DTNB: variants seen among roughly 807,000 people sequenced by gnomAD.
DTNB encodes the protein DTN-B.
In DTNB, 63 loss-of-function variants were observed where a neutral mutation model predicts 90.7. The ratio of observed to expected loss-of-function variants is 0.69; its 90% confidence interval spans 0.57 to 0.86. The LOEUF (loss-of-function observed/expected upper bound fraction) is 0.86. DTNB is among the 40% of genes least tolerant of loss of function. The pLI, the probability that DTNB is intolerant of heterozygous loss-of-function variation, is 0.00. For missense variants in DTNB, 744 were observed against 807.1 expected, an observed-to-expected ratio of 0.92 and a Z score of 0.95; for synonymous variants, 277 against 286.7, an observed-to-expected ratio of 0.97 and a Z score of 0.34.
chr2:25,609,894 A>C (rs1428257465), intron 4 of DTNB, among the ~76,000 whole-genome samples: 1 of 152,190 alleles, frequency 6.6e-6, no homozygotes, highest in African/African-American at 2.4e-5. Flanking sequence ...CAAGAGAAAA[A>C]GGGAAGCTGC....
intron 6 of DTNB, among the ~76,000 whole-genome samples, chr2:25,584,462 T>C (rs911002023): frequency 6.6e-6 from 1 of 152,234 alleles, no homozygotes; most frequent in East Asian, 1.9e-4. Context: ...AATTTTTGTT[T>C]TGAAATAGTT....
intron 2 of DTNB, among the ~76,000 whole-genome samples, chr2:25,650,729 G>C (rs1031832992): frequency 6.6e-6 from 1 of 152,206 alleles, no homozygotes; most frequent in Non-Finnish European, 1.5e-5. Flanking sequence ...GGGAGGCCAA[G>C]ACAGGCGGAT....
At chr2:25,595,540 G>A (rs1460055564) in intron 6 of DTNB, among the ~76,000 whole-genome samples, 1 of 152,198 alleles carries the variant, frequency 6.6e-6, no homozygotes, top group African/African-American at 2.4e-5. Flanking sequence ...TTTGTTAGGT[G>A]TAGACGGTTC....
intron 12 of DTNB, 129 bp from the exon 13 acceptor site, chr2:25,434,124 G>T: frequency 1.3e-6 from 1 of 788,520 alleles, no homozygotes; most frequent in Non-Finnish European, 2.0e-6. Flanking sequence ...CCCGTTTTAA[G>T]TATACAATTC....
chr2:25,455,563 T>A, intron 10 of DTNB, 69 bp from the exon 11 acceptor site: 2 of 1,341,938 alleles, frequency 1.5e-6, no homozygotes, highest in Middle Eastern at 3.6e-4. Flanking sequence ...TGAACATGGA[T>A]TAAAATGAGC....
chr2:25,627,507 AAAAG>A (rs2074485363), intron 4 of DTNB, among the ~76,000 whole-genome samples: 1 of 152,198 alleles, frequency 6.6e-6, no homozygotes, highest in Non-Finnish European at 1.5e-5. Context: ...CATAGAAGAA[AAAAG>A]AAAGAGGAGA....
chr2:25,430,634 G>T (rs1318565982), intron 14 of DTNB, among the ~76,000 whole-genome samples: 1 of 152,138 alleles, frequency 6.6e-6, no homozygotes, highest in Non-Finnish European at 1.5e-5. Context: ...TATTACATAG[G>T]ATAGTGATAA....
chr2:25,589,162 T>C (rs915954484), intron 6 of DTNB, among the ~76,000 whole-genome samples: 2 of 152,146 alleles, frequency 1.3e-5, no homozygotes, highest in Admixed American at 1.3e-4. Context: ...GTTGTTATTC[T>C]TAAAATTAAC....
Position 25,387,409 on chromosome 2 carries a change from AG to A in DTNB, c.1736-32del. ...GAGAGGCAGAGCAGATGGGGATGCC[AG>A]GGTGGGTGAGCGTGGAGAAGAGACG... On this transcript the variant is annotated intron_variant, in intron 17 of 20. Coordinates refer to ENST00000406818, the MANE Select transcript of DTNB (RefSeq NM_021907.5). The surrounding 1 kb of genome is among the most constrained non-coding windows in gnomAD (Gnocchi z 4.5). 1 of 1,599,912 alleles carries A rather than the reference AG, an allele frequency of 6.3e-7. No individual in the cohort carries two copies. The highest frequency in any genetic ancestry group is 1.1e-5 in the South Asian group (1 of 90,492).
intron 8 of DTNB, among the ~76,000 whole-genome samples, chr2:25,563,638 G>A (rs2058573792): frequency 6.6e-6 from 1 of 151,762 alleles, no homozygotes; most frequent in Admixed American, 6.6e-5. Context: ...ATGGTATAAG[G>A]CAGGGATCCA....
intron 15 of DTNB, among the ~76,000 whole-genome samples, chr2:25,423,116 G>A (rs955709156): frequency 4.6e-5 from 7 of 152,182 alleles, no homozygotes; most frequent in African/African-American, 1.7e-4. Context: ...AGACTCACTT[G>A]AATCCGGGAG....
In DTNB at chr2:25,440,529, T is replaced by C. The variant is rs1274423789; in HGVS notation, c.1258-6534A>G. Among the ~76,000 whole-genome samples the C allele has an allele frequency of 2.6e-5, 4 of 152,328 alleles. No individual in the cohort carries two copies. In the East Asian group the frequency reaches 7.7e-4, roughly 29 times the overall value. ...ACTTGCAACATGTGAGAACATTTTG[T>C]GCAAAGGAGACAACCTGGAGCTCCA... On this transcript the variant is annotated intron_variant, in intron 12 of 20. Coordinates refer to ENST00000406818, the MANE Select transcript of DTNB (RefSeq NM_021907.5).
chr2:25,633,239 A>G (rs1283221861), intron 3 of DTNB, among the ~76,000 whole-genome samples: 1 of 150,418 alleles, frequency 6.6e-6, no homozygotes, highest in Non-Finnish European at 1.5e-5. Flanking sequence ...TACTGCTGCC[A>G]TCTCGGCTCA....
intron 9 of DTNB, among the ~76,000 whole-genome samples, chr2:25,521,537 C>A (rs894356986): frequency 6.6e-6 from 1 of 151,972 alleles, no homozygotes; most frequent in Non-Finnish European, 1.5e-5. Context: ...GTGCATGCAA[C>A]TGTACCCGCC....
chr2:25,552,841 A>ATTTTTTTTTTTT (rs544243784), intron 8 of DTNB, among the ~76,000 whole-genome samples: 7 of 86,030 alleles, frequency 8.1e-5, no homozygotes, highest in Non-Finnish European at 9.2e-5. Context: ...TCTCTTTTTG[A>ATTTTTTTTTTTT]TTTTTTTTTT....
intron 1 of DTNB, among the ~76,000 whole-genome samples, chr2:25,655,224 A>G (rs2081834256): frequency 1.3e-5 from 2 of 152,238 alleles, no homozygotes; most frequent in South Asian, 4.1e-4. Context: ...TGAACCTTCT[A>G]GGCCAGAAGC....
At chr2:25,625,832 C>T (rs989279035) in intron 4 of DTNB, among the ~76,000 whole-genome samples, 2 of 152,116 alleles carry the variant, frequency 1.3e-5, no homozygotes, top group African/African-American at 4.8e-5. Context: ...TCCTAACCCC[C>T]AAGGTACGGT....
intron 3 of DTNB, among the ~76,000 whole-genome samples, chr2:25,632,085 C>T (rs1018678874): frequency 2.0e-5 from 3 of 151,034 alleles, no homozygotes; most frequent in Non-Finnish European, 2.9e-5. Flanking sequence ...ATCACAACTA[C>T]TCGGGAGGCC....
At chr2:25,627,891 C>T (rs925277718) in intron 4 of DTNB, among the ~76,000 whole-genome samples, 4 of 152,038 alleles carry the variant, frequency 2.6e-5, no homozygotes, top group African/African-American at 7.3e-5. Flanking sequence ...CGCCCACCAC[C>T]ACGCCCGGCT....
Sources: allele counts gnomAD v4.1 joint callset (sites outside exome capture counted in the v4.1 genomes callset), GRCh38; gene constraint gnomAD v4.1.1; non-coding constraint Gnocchi (gnomAD v3.1); transcripts MANE v1.5; gene names NCBI Gene and HGNC (gene_info 2026-07-23, HGNC 2026-07-21).